Variants in C12orf42 observed in about 807,000 individuals in gnomAD.
C12orf42 encodes uncharacterized protein C12orf42.
C12orf42 carries 25 observed loss-of-function variants against 21.6 expected under a neutral mutation model. The ratio of observed to expected loss-of-function variants is 1.16; its 90% CI spans 0.84 to 1.62. C12orf42 has a LOEUF of 1.62. Among genes scored for constraint, C12orf42 ranks in the 40% most tolerant of loss-of-function variants. The probability of loss-of-function intolerance (pLI) is 0.00; values close to 1 mark genes in which losing one functional copy is unlikely to be tolerated. For missense variants in C12orf42, 483 were observed against 459.3 expected, an observed-to-expected ratio of 1.05 and a Z score of -0.47; for synonymous variants, 174 against 175.0, an observed-to-expected ratio of 0.99 and a Z score of 0.05.
the C12orf42 span, among the ~76,000 whole-genome samples, chr12:103,113,036 G>T: frequency 6.6e-6 from 1 of 152,060 alleles, no homozygotes; most frequent in Non-Finnish European, 1.5e-5. Flanking sequence ...TGAAATGACA[G>T]GTTTGCAACC....
chr12:103,376,071 C>T (rs1007083132), intron 3 of C12orf42, among the ~76,000 whole-genome samples: 1 of 152,126 alleles, frequency 6.6e-6, no homozygotes, highest in Non-Finnish European at 1.5e-5. Context: ...TATACAAGTG[C>T]ACATACATTT....
At chr12:103,048,353 G>A in the C12orf42 span, among the ~76,000 whole-genome samples, 3 of 152,132 alleles carry the variant, frequency 2.0e-5, no homozygotes, top group South Asian at 4.1e-4. Context: ...ATAACATCTG[G>A]ATTACAAGGT....
the C12orf42 span, among the ~76,000 whole-genome samples, chr12:103,513,404 A>G: frequency 6.6e-6 from 1 of 152,254 alleles, no homozygotes; most frequent in Non-Finnish European, 1.5e-5. Context: ...CAGCTAGTCC[A>G]GCCATGTCTA....
At chr12:103,347,172 A>G (rs1413381846) in intron 4 of C12orf42, among the ~76,000 whole-genome samples, 2 of 152,116 alleles carry the variant, frequency 1.3e-5, no homozygotes, top group Non-Finnish European at 2.9e-5. Context: ...CTTGTCACCT[A>G]TATTAGGTAT....
the C12orf42 span, among the ~76,000 whole-genome samples, chr12:103,110,209 G>C: frequency 4.7e-4 from 72 of 152,120 alleles, 2 homozygotes; most frequent in Non-Finnish European, 9.3e-4. Flanking sequence ...AATAATATAG[G>C]ATAAAAAAAT....
chr12:103,165,770 G>C, the C12orf42 span, among the ~76,000 whole-genome samples: 1 of 151,868 alleles, frequency 6.6e-6, no homozygotes, highest in Non-Finnish European at 1.5e-5. Flanking sequence ...GGCCGGGCGC[G>C]GTGGCTCACG....
the C12orf42 span, among the ~76,000 whole-genome samples, chr12:103,101,409 A>C: frequency 6.6e-6 from 1 of 152,236 alleles, no homozygotes; most frequent in African/African-American, 2.4e-5. Flanking sequence ...TCATCTCATG[A>C]TAGTTTTTCC....
chr12:103,546,592 G>C, the C12orf42 span, among the ~76,000 whole-genome samples: 21 of 152,228 alleles, frequency 1.4e-4, no homozygotes, highest in Admixed American at 5.9e-4. Context: ...TTACAAAAAG[G>C]GTCAGGTGTT....
intron 4 of C12orf42, among the ~76,000 whole-genome samples, chr12:103,338,327 A>G (rs2041896411): frequency 6.6e-6 from 1 of 152,212 alleles, no homozygotes; most frequent in African/African-American, 2.4e-5. Context: ...CAGAACTAAG[A>G]AACAGACTCA....
the C12orf42 span, among the ~76,000 whole-genome samples, chr12:103,101,428 A>T: frequency 6.6e-6 from 1 of 152,210 alleles, no homozygotes; most frequent in South Asian, 2.1e-4. Context: ...CCTTAAAAAT[A>T]ATGGCAGTAG....
At chr12:103,194,045 G>A in the C12orf42 span, among the ~76,000 whole-genome samples, 1 of 151,990 alleles carries the variant, frequency 6.6e-6, no homozygotes, top group African/African-American at 2.4e-5. Context: ...CAGTATGATA[G>A]TCCACATTAA....
chr12:103,457,574 C>T (rs1453049619), intron 2 of C12orf42, among the ~76,000 whole-genome samples: 2 of 152,142 alleles, frequency 1.3e-5, no homozygotes, highest in Non-Finnish European at 2.9e-5. Flanking sequence ...GAATGGGGAT[C>T]TACATGTGTC....
At chr12:103,198,491 G>A in the C12orf42 span, among the ~76,000 whole-genome samples, 1 of 152,212 alleles carries the variant, frequency 6.6e-6, no homozygotes, top group East Asian at 1.9e-4. Flanking sequence ...AAGCCACCTA[G>A]AGGAGCATGG....
the C12orf42 span, among the ~76,000 whole-genome samples, chr12:103,186,973 T>C: frequency 1.3e-5 from 2 of 152,220 alleles, no homozygotes. Flanking sequence ...CAGATTATGC[T>C]TTGTTCCAAA....
chr12:103,252,892 G>A (rs759071229), intron 10 of C12orf42, among the ~76,000 whole-genome samples: 55 of 152,082 alleles, frequency 3.6e-4, no homozygotes, highest in Non-Finnish European at 7.2e-4. Context: ...CCCATGTCCT[G>A]AATAGTATTA....
the C12orf42 span, among the ~76,000 whole-genome samples, chr12:103,173,832 G>GCAGGAAA: frequency 6.6e-6 from 1 of 152,074 alleles, no homozygotes; most frequent in African/African-American, 2.4e-5. Flanking sequence ...TTCATTCACT[G>GCAGGAAA]CAGGAACTCA....
the C12orf42 span, among the ~76,000 whole-genome samples, chr12:103,199,594 G>T: frequency 6.6e-6 from 1 of 152,076 alleles, no homozygotes; most frequent in Admixed American, 6.6e-5. Flanking sequence ...AATAGGTAAA[G>T]AACTTCTATA....
chr12:103,230,673 C>T, the C12orf42 span, among the ~76,000 whole-genome samples: 1 of 152,212 alleles, frequency 6.6e-6, no homozygotes, highest in South Asian at 2.1e-4. Flanking sequence ...CTTATTCATT[C>T]CCGAAATTAT....
At chr12:103,190,524 C>G in the C12orf42 span, among the ~76,000 whole-genome samples, 1 of 152,242 alleles carries the variant, frequency 6.6e-6, no homozygotes, top group Non-Finnish European at 1.5e-5. Flanking sequence ...ATATATCAAT[C>G]CAAGCCTACA....
Sources: gnomAD v4.1 joint callset for allele counts (sites outside exome capture counted in the v4.1 genomes callset) on GRCh38, gnomAD v4.1.1 for gene constraint, MANE v1.5 for transcripts, NCBI Gene and HGNC (gene_info 2026-07-23, HGNC 2026-07-21) for gene names.